The following TADA2A variants were observed in gnomAD, a reference collection of about 807,000 sequenced individuals.
The protein encoded by TADA2A is transcriptional adapter 2-alpha.
A neutral mutation model predicts 67.4 loss-of-function variants in TADA2A; 38 were observed. The ratio of observed to expected loss-of-function variants is 0.56; its 90% CI spans 0.44 to 0.74. The LOEUF (loss-of-function observed/expected upper bound fraction) is 0.74, where lower values mean the gene tolerates loss of function less well. Among genes scored for constraint, TADA2A ranks in the 30% least tolerant of loss-of-function variants. TADA2A has a pLI of 0.00. For synonymous variants in TADA2A, 192 were observed against 181.6 expected (o/e 1.06, Z -0.46); for missense variants, 454 against 547.0 (o/e 0.83, Z 1.70).
intron 12 of TADA2A, among the ~76,000 whole-genome samples, chr17:37,469,024 C>CTGAG (rs748874660): frequency 7.9e-5 from 12 of 151,946 alleles, no homozygotes; most frequent in African/African-American, 1.2e-4. Context: ...CCTCAGCCTC[C>CTGAG]TGAGTAGCTG....
intron 1 of TADA2A, 101 bp from the exon 2 acceptor site, chr17:37,411,168 A>C: frequency 1.7e-6 from 1 of 600,982 alleles, no homozygotes; most frequent in South Asian, 2.2e-5. Flanking sequence ...TCAACATTAC[A>C]AAGCTAAGAT....
At chr17:37,450,115 T>A (rs2053192161) in intron 8 of TADA2A, among the ~76,000 whole-genome samples, 1 of 152,166 alleles carries the variant, frequency 6.6e-6, no homozygotes, top group Non-Finnish European at 1.5e-5. Flanking sequence ...CTTAAAAAAG[T>A]TTACGAATTT....
chr17:37,476,714 T>G, intron 15 of TADA2A, 83 bp from the exon 16 acceptor site: 1 of 1,491,976 alleles, frequency 6.7e-7, no homozygotes, highest in African/African-American at 1.4e-5. Flanking sequence ...GATGTCACTT[T>G]AAAAAATTTT....
intron 1 of TADA2A, 163 bp downstream of exon 1, chr17:37,407,112 G>C (rs2147874857): frequency 6.7e-6 from 1 of 148,434 alleles, no homozygotes; most frequent in South Asian, 1.8e-4. Flanking sequence ...GCGGGCCGGC[G>C]GGCGGGCAGC....
At chr17:37,426,344 A>T (rs964303179) in intron 3 of TADA2A, 1 of 151,914 alleles carries the variant, frequency 6.6e-6, no homozygotes, top group Non-Finnish European at 1.5e-5. Flanking sequence ...CCACCATTCT[A>T]TTGCAGCTGC....
Position 37,478,799 on chromosome 17 carries a change from T to G in TADA2A, c.*1817T>G, listed in dbSNP as rs2053936847. ...CTCAAACTTTTGACTGTTGTAAATATGCATGCAGCTGGGAAGGGATTCATC... is the reference window on the plus strand; with the variant it reads ...CTCAAACTTTTGACTGTTGTAAATAGGCATGCAGCTGGGAAGGGATTCATC... On this transcript the variant is annotated 3_prime_UTR_variant, in exon 16 of 16. Coordinates refer to ENST00000615182, the MANE Select transcript of TADA2A (RefSeq NM_001166105.3). 6.6e-6 allele frequency: 1 copy of G among 152,224 alleles called. No individual in the cohort carries two copies. The highest frequency in any genetic ancestry group is 6.5e-5 in the Admixed American group (1 of 15,280). 9.4% of individuals were successfully genotyped at this position (152,224 alleles called of 1,614,324 possible).
Position 37,465,467 on chromosome 17 carries a change from T to A in TADA2A, c.749T>A (p.Leu250Gln). The A allele has an allele frequency of 6.2e-7, 1 of 1,614,124 alleles. No homozygotes were observed. Among genetic ancestry groups the A allele is most frequent in the Non-Finnish European group, 8.5e-7 (1 of 1,180,032 alleles). The stretch of plus-strand genomic sequence containing the variant: ...CGGTATCCCAAGGAGGTCCAGGACC[T>A]GTATGAAACAATGAGGCGATTTGCA... Reference protein sequence around the residue: ...ERRYPKEVQDLYETMRRFARI... With the variant: ...ERRYPKEVQDQYETMRRFARI... The change falls in exon 11 of 16, where the codon CTG becomes CAG. Residue 250 changes from leucine (L) to glutamine (Q), a missense_variant. Transcript: ENST00000615182.
At position 37,440,559 on chromosome 17, in the gene TADA2A, C is replaced by G; in HGVS notation, c.339C>G (p.His113Gln). Residue 113 changes from histidine to glutamine, a missense_variant, in exon 6 of 16, where the codon CAC (histidine) becomes CAG (glutamine). This residue lies in a region of TADA2A where 403 missense variants were observed against 455.5 expected (regional missense o/e 0.88). Transcript: ENST00000615182. Reference sequence around the variant, plus strand: ...AGACCAAGGAGGAGTGTGAGAAGCACTATATGAAGCATTTCATCAATAACC... The same window carrying G: ...AGACCAAGGAGGAGTGTGAGAAGCAGTATATGAAGCATTTCATCAATAACC... ...CTKTKEECEK[H>Q]YMKHFINNPL... 6.2e-7 allele frequency: 1 copy of G among 1,614,086 alleles called. No homozygotes were observed. Among genetic ancestry groups the G allele is most frequent in the Non-Finnish European group, 8.5e-7 (1 of 1,179,996 alleles).
chr17:37,409,880 A>G (rs899567452), intron 1 of TADA2A, among the ~76,000 whole-genome samples: 1 of 152,064 alleles, frequency 6.6e-6, no homozygotes, highest in Non-Finnish European at 1.5e-5. Context: ...ACTTTGGGCC[A>G]GGCATGGTGG....
At position 37,479,268 on chromosome 17, in the gene TADA2A, AACACAAGGG is replaced by A. The variant is rs1381403084; in HGVS notation, c.*2287_*2295del. 6.6e-6 allele frequency: 1 copy of A among 152,316 alleles called. No individual in the cohort carries two copies. Among genetic ancestry groups the A allele is most frequent in the Non-Finnish European group, 1.5e-5 (1 of 68,050 alleles). The allele number at this position is 152,316 out of a possible 1,614,324, so 9.4% of individuals were successfully genotyped here. On this transcript the variant is annotated 3_prime_UTR_variant, in exon 16 of 16. Transcript: ENST00000615182. ...GGTGCCAAGAGATTTATTTGGCTAG[AACACAAGGG>A]GCAGCTGGGTAGTTAGGAGTGGGAG...
chr17:37,458,610 GC>G (rs1480606787), intron 9 of TADA2A, 23 bp downstream of exon 9: 2 of 1,598,430 alleles, frequency 1.3e-6, no homozygotes, highest in African/African-American at 1.3e-5. Context: ...AACCATCCTG[GC>G]CTCCTTTCAG....
intron 3 of TADA2A, among the ~76,000 whole-genome samples, chr17:37,424,142 C>G (rs533627018): frequency 1.3e-5 from 2 of 152,040 alleles, no homozygotes; most frequent in African/African-American, 4.8e-5. Flanking sequence ...GTGTTTAAAC[C>G]TAATACTTGG....
intron 2 of TADA2A, among the ~76,000 whole-genome samples, chr17:37,415,707 T>C (rs1265229265): frequency 6.7e-6 from 1 of 150,172 alleles, no homozygotes; most frequent in East Asian, 1.9e-4. Context: ...GTGAAGCCTC[T>C]ACTAAAGATA....
intron 2 of TADA2A, among the ~76,000 whole-genome samples, chr17:37,413,579 C>G (rs1281524908): frequency 6.6e-6 from 1 of 151,878 alleles, no homozygotes; most frequent in South Asian, 2.1e-4. Flanking sequence ...TGGGGTCTCA[C>G]TGTGTCACCC....
chr17:37,423,952 G>C (rs959456588), intron 3 of TADA2A, among the ~76,000 whole-genome samples: 2 of 151,902 alleles, frequency 1.3e-5, no homozygotes, highest in African/African-American at 4.8e-5. Context: ...GTTTCACCAT[G>C]TTGGTCAGGG....
chr17:37,463,246 C>T (rs1249726295), intron 10 of TADA2A, among the ~76,000 whole-genome samples: 2 of 152,194 alleles, frequency 1.3e-5, no homozygotes, highest in Non-Finnish European at 2.9e-5. Context: ...ATAACAATCA[C>T]AATGTTTGTA....
chr17:37,461,804 G>A, intron 9 of TADA2A: 1 of 289,442 alleles, frequency 3.5e-6, no homozygotes, highest in Non-Finnish European at 6.5e-6. Context: ...GTGTTTTTCA[G>A]CATTTGTGAG....
intron 7 of TADA2A, among the ~76,000 whole-genome samples, chr17:37,444,085 A>G (rs918502184): frequency 6.6e-6 from 1 of 151,416 alleles, no homozygotes; most frequent in African/African-American, 2.4e-5. Context: ...AACAACAACA[A>G]CAAAAAAAAC....
intron 5 of TADA2A, among the ~76,000 whole-genome samples, chr17:37,439,928 TTA>T (rs2052850590): frequency 9.7e-6 from 1 of 102,582 alleles, no homozygotes; most frequent in African/African-American, 4.4e-5. Context: ...ATTTATTTAT[TTA>T]TTTATTTATT....
Sources: allele counts gnomAD v4.1 joint callset (sites outside exome capture counted in the v4.1 genomes callset), GRCh38; gene constraint gnomAD v4.1.1; regional missense constraint gnomAD v4.1.1; transcripts MANE v1.5; gene names NCBI Gene and HGNC (gene_info 2026-07-23, HGNC 2026-07-21).